LHFPL3: variants seen among roughly 807,000 people sequenced by gnomAD.
LHFPL3 encodes LHFPL tetraspan subfamily member 3.
LHFPL3 carries 5 observed loss-of-function variants against 19.3 expected under a neutral mutation model. That is an observed-to-expected ratio of 0.26 (90% CI 0.14 to 0.54). The LOEUF (loss-of-function observed/expected upper bound fraction) is 0.54, where lower values mean the gene tolerates loss of function less well. Ranked by LOEUF, LHFPL3 falls within the 20% of genes least tolerant of loss-of-function variation. The probability of loss-of-function intolerance (pLI) is 0.94; values close to 1 mark genes in which losing one functional copy is unlikely to be tolerated. For synonymous variants in LHFPL3, 133 were observed against 126.2 expected (o/e 1.05, Z -0.36); for missense variants, 249 against 307.4 (o/e 0.81, Z 1.42).
At chr7:104,494,090 C>T (rs1475941933) in intron 1 of LHFPL3, among the ~76,000 whole-genome samples, 1 of 152,040 alleles carries the variant, frequency 6.6e-6, no homozygotes, top group Non-Finnish European at 1.5e-5. Context: ...AATATATTTC[C>T]ATTAGCTAGG....
chr7:104,430,382 A>ATG (rs1491317278), intron 1 of LHFPL3, among the ~76,000 whole-genome samples: 8 of 44,188 alleles, frequency 1.8e-4, no homozygotes, highest in South Asian at 7.6e-4. Flanking sequence ...ATATATATAT[A>ATG]CATATATATA....
chr7:104,586,812 C>T (rs565802893), intron 1 of LHFPL3, among the ~76,000 whole-genome samples: 2 of 152,150 alleles, frequency 1.3e-5, no homozygotes, highest in African/African-American at 4.8e-5. Context: ...TTTATAAAAC[C>T]CCTTCTGGCC....
intron 1 of LHFPL3, among the ~76,000 whole-genome samples, chr7:104,430,186 T>C (rs1486666215): frequency 1.3e-5 from 2 of 150,772 alleles, no homozygotes; most frequent in East Asian, 3.9e-4. Context: ...TACTTTCAAG[T>C]TGGAGTAATT....
intron 1 of LHFPL3, among the ~76,000 whole-genome samples, chr7:104,351,439 GA>G (rs1342835575): frequency 1.3e-5 from 2 of 152,134 alleles, no homozygotes; most frequent in East Asian, 3.9e-4. Context: ...GACTTCAAGG[GA>G]TTGCAGGATC....
chr7:104,886,810 T>C (rs1792157436), intron 2 of LHFPL3, among the ~76,000 whole-genome samples: 1 of 152,238 alleles, frequency 6.6e-6, no homozygotes, highest in African/African-American at 2.4e-5. Context: ...AATAGGAAGC[T>C]TTTCTATTGC....
chr7:104,441,816 C>T (rs955264796), intron 1 of LHFPL3, among the ~76,000 whole-genome samples: 13 of 152,126 alleles, frequency 8.5e-5, no homozygotes, highest in African/African-American at 3.1e-4. Context: ...CCTCATGATC[C>T]GCCCACCTCG....
intron 1 of LHFPL3, among the ~76,000 whole-genome samples, chr7:104,616,099 G>C (rs184305839): frequency 9.4e-4 from 143 of 152,196 alleles, no homozygotes; most frequent in African/African-American, 3.3e-3. Flanking sequence ...TCCCCATCAA[G>C]CTACCATTGA....
At chr7:104,719,285 A>T (rs925954697) in intron 1 of LHFPL3, among the ~76,000 whole-genome samples, 1 of 152,210 alleles carries the variant, frequency 6.6e-6, no homozygotes, top group African/African-American at 2.4e-5. Flanking sequence ...ATACACATGT[A>T]TATATATAAT....
chr7:104,561,477 C>G (rs1019599196), intron 1 of LHFPL3, among the ~76,000 whole-genome samples: 6 of 150,024 alleles, frequency 4.0e-5, no homozygotes, highest in Non-Finnish European at 7.4e-5. Flanking sequence ...GGTTTAAAGT[C>G]TGTTTTATCA....
chr7:104,783,421 A>G (rs1789851895), intron 2 of LHFPL3, among the ~76,000 whole-genome samples: 1 of 152,220 alleles, frequency 6.6e-6, no homozygotes, highest in Admixed American at 6.5e-5. Flanking sequence ...CTGAATCCCC[A>G]GCATCTACAT....
intron 1 of LHFPL3, chr7:104,623,039 TG>T: frequency 2.7e-6 from 1 of 366,096 alleles, no homozygotes; most frequent in Non-Finnish European, 5.7e-6. Context: ...CTAATGATGT[TG>T]AGCATCTTTT....
chr7:104,790,996 A>G (rs550971674), intron 2 of LHFPL3, among the ~76,000 whole-genome samples: 1 of 152,312 alleles, frequency 6.6e-6, no homozygotes, highest in African/African-American at 2.4e-5. Flanking sequence ...AGCATCTTGA[A>G]CTTTCTGGGA....
At chr7:104,424,983 T>TAAAAAAAAA (rs71153196) in intron 1 of LHFPL3, among the ~76,000 whole-genome samples, 2,968 of 64,788 alleles carry the variant, frequency 0.046, 259 homozygotes, top group Admixed American at 0.11. Context: ...CTCCATCTCA[T>TAAAAAAAAA]AAAAAAAAAA....
At chr7:104,845,802 T>C (rs564351992) in intron 2 of LHFPL3, among the ~76,000 whole-genome samples, 1 of 152,234 alleles carries the variant, frequency 6.6e-6, no homozygotes, top group African/African-American at 2.4e-5. Flanking sequence ...ACCACGCATG[T>C]GGGCATCTCT....
intron 1 of LHFPL3, among the ~76,000 whole-genome samples, chr7:104,490,841 T>A (rs1240816947): frequency 6.6e-6 from 1 of 152,216 alleles, no homozygotes; most frequent in Non-Finnish European, 1.5e-5. Flanking sequence ...TATTCCCTCC[T>A]CTCACAGGTT....
chr7:104,486,331 G>A (rs954204997), intron 1 of LHFPL3, among the ~76,000 whole-genome samples: 4 of 151,960 alleles, frequency 2.6e-5, no homozygotes, highest in Admixed American at 6.6e-5. Flanking sequence ...TCTTGATTAC[G>A]ACTGTGCTAT....
intron 1 of LHFPL3, among the ~76,000 whole-genome samples, chr7:104,722,575 C>T (rs1371288459): frequency 1.3e-5 from 2 of 152,098 alleles, no homozygotes; most frequent in African/African-American, 4.8e-5. Context: ...TCAGAAGAGA[C>T]CAAGGTGTAA....
chr7:104,500,350 G>A (rs1307294038), intron 1 of LHFPL3, among the ~76,000 whole-genome samples: 1 of 152,124 alleles, frequency 6.6e-6, no homozygotes, highest in Non-Finnish European at 1.5e-5. Context: ...ATTTTTTATA[G>A]CTTAGTTTAT....
intron 1 of LHFPL3, among the ~76,000 whole-genome samples, chr7:104,463,494 A>T (rs769413497): frequency 6.6e-6 from 1 of 152,160 alleles, no homozygotes; most frequent in Non-Finnish European, 1.5e-5. Flanking sequence ...GTTCATTCTC[A>T]TGCTGCTAAT....
Sources: gnomAD v4.1 joint callset for allele counts (sites outside exome capture counted in the v4.1 genomes callset) on GRCh38, gnomAD v4.1.1 for gene constraint, MANE v1.5 for transcripts, NCBI Gene and HGNC (gene_info 2026-07-23, HGNC 2026-07-21) for gene names.